The following MDN1 variants were observed in gnomAD, a reference collection of about 807,000 sequenced individuals.
The protein encoded by MDN1 is midasin AAA ATPase 1.
A neutral mutation model predicts 669.2 loss-of-function variants in MDN1; 266 were observed. That is an observed-to-expected ratio of 0.40 (90% CI 0.36 to 0.44). The LOEUF is 0.44. MDN1 is among the 20% of genes least tolerant of loss of function. The probability of loss-of-function intolerance (pLI) is 1.00; values close to 1 mark genes in which losing one functional copy is unlikely to be tolerated. For synonymous variants in MDN1, 2,385 were observed against 2,457.1 expected (o/e 0.97, Z 0.87); for missense variants, 5,940 against 6,754.0 (o/e 0.88, Z 4.22).
At chr6:89,763,784 G>A (rs983623701) in intron 15 of MDN1, among the ~76,000 whole-genome samples, 2 of 152,120 alleles carry the variant, frequency 1.3e-5, no homozygotes, top group Non-Finnish European at 2.9e-5. Context: ...AAAACCCAAT[G>A]GCCTGATACT....
At chr6:89,781,134 A>T in intron 10 of MDN1, 1 of 453,390 alleles carries the variant, frequency 2.2e-6, no homozygotes, top group Middle Eastern at 6.2e-4. Flanking sequence ...TTTAAAAGTT[A>T]TTTTTTAAAG....
intron 26 of MDN1, among the ~76,000 whole-genome samples, chr6:89,748,825 C>T (rs1816802489): frequency 6.6e-6 from 1 of 151,758 alleles, no homozygotes; most frequent in African/African-American, 2.4e-5. Context: ...TTTGGGAGAT[C>T]AAGGTGGGTG....
chr6:89,738,480 G>A (rs1379551618), intron 32 of MDN1, 25 bp from the exon 33 acceptor site: 13 of 1,611,742 alleles, frequency 8.1e-6, no homozygotes, highest in African/African-American at 2.7e-5. Flanking sequence ...AAACTTCAAT[G>A]TGAATTTTTA....
In MDN1 at chr6:89,658,861, C is replaced by T. The variant is rs371068316; in HGVS notation, c.14770G>A (p.Glu4924Lys). 11 of 1,614,226 alleles carry T rather than the reference C, an allele frequency of 6.8e-6. No individual in the cohort carries two copies. The African/African-American group carries it at 1.5e-4, about 22-fold the overall frequency. Residue 4924 changes from glutamate to lysine, a missense_variant, in exon 89 of 102, where the codon GAA (glutamate) becomes AAA (lysine). Glu to Lys is a moderately conservative substitution (Grantham distance 56). Coordinates refer to ENST00000369393, the MANE Select transcript of MDN1 (RefSeq NM_014611.3). ...TGGTCGGTCTCGGTCTCTCCTCTTT[C>T]CTCAGCTTCATGACCTGCTTCTTCT... is the stretch of plus-strand genomic sequence containing the variant. ...KPEEAGHEAE[E>K]RGETETDQNE...
intron 73 of MDN1, among the ~76,000 whole-genome samples, chr6:89,682,799 A>C (rs1312933697): frequency 2.0e-5 from 3 of 147,314 alleles, no homozygotes; most frequent in Non-Finnish European, 4.5e-5. Flanking sequence ...AAAAAAAAAA[A>C]TAGCCAGGCA....
At chr6:89,772,241 T>C (rs762662325) in intron 14 of MDN1, among the ~76,000 whole-genome samples, 10 of 152,060 alleles carry the variant, frequency 6.6e-5, no homozygotes, top group Non-Finnish European at 1.3e-4. Context: ...GGCTCGCCAC[T>C]GCACTCCAGC....
intron 50 of MDN1, 96 bp from the exon 51 acceptor site, chr6:89,708,724 G>T: frequency 7.4e-7 from 1 of 1,357,042 alleles, no homozygotes; most frequent in Non-Finnish European, 1.0e-6. Context: ...TTTACTTTGA[G>T]CACATTGAAT....
At chr6:89,740,206 A>G in intron 32 of MDN1, 28 bp downstream of exon 32, 1 of 1,608,430 alleles carries the variant, frequency 6.2e-7, no homozygotes, top group Non-Finnish European at 8.5e-7. Context: ...AAAACCTAGA[A>G]AGAAAATGTG....
chr6:89,664,368 G>A (rs1810032059), intron 85 of MDN1, 119 bp downstream of exon 85: 1 of 1,284,318 alleles, frequency 7.8e-7, no homozygotes, highest in Non-Finnish European at 1.1e-6. Flanking sequence ...TTGCACTTAA[G>A]CACAGTAACC....
At chr6:89,717,975 C>T (rs1325077289) in intron 43 of MDN1, among the ~76,000 whole-genome samples, 1 of 152,174 alleles carries the variant, frequency 6.6e-6, no homozygotes, top group Non-Finnish European at 1.5e-5. Context: ...TGATATATTT[C>T]CTCCATCTCC....
chr6:89,659,447 A>G (rs1167817230), intron 88 of MDN1, among the ~76,000 whole-genome samples: 2 of 152,262 alleles, frequency 1.3e-5, no homozygotes, highest in East Asian at 3.8e-4. Context: ...TGTACTGCCT[A>G]TGGCTGCTTT....
chr6:89,720,297 T>C (rs1198901635), intron 40 of MDN1, among the ~76,000 whole-genome samples: 1 of 151,250 alleles, frequency 6.6e-6, no homozygotes, highest in Non-Finnish European at 1.5e-5. Context: ...CAAATATTGC[T>C]ACTCGGGAGG....
At chr6:89,816,982 C>T (rs939470096) in intron 1 of MDN1, among the ~76,000 whole-genome samples, 3 of 152,100 alleles carry the variant, frequency 2.0e-5, no homozygotes, top group Non-Finnish European at 4.4e-5. Context: ...CCTCCACACC[C>T]CTATCTTAAC....
At chr6:89,646,887 T>C (rs1808522982) in intron 99 of MDN1, among the ~76,000 whole-genome samples, 2 of 152,180 alleles carry the variant, frequency 1.3e-5, no homozygotes, top group African/African-American at 4.8e-5. Flanking sequence ...CCTCGATTCC[T>C]GGGCTCTGCC....
In MDN1 at chr6:89,802,814, T is replaced by C. The variant is rs113248879; in HGVS notation, c.329+514A>G. On this transcript the variant is annotated intron_variant, in intron 2 of 101. Coordinates refer to ENST00000369393, the MANE Select transcript of MDN1 (RefSeq NM_014611.3). ...CTGACACTCAGTTTTGCTGTCTCTT[T>C]TGATTATTCCTCAAAACTATATTTT... Among the ~76,000 whole-genome samples the C allele has an allele frequency of 3.5e-3, 530 of 152,352 alleles. 2 individuals carry two copies. Among genetic ancestry groups the C allele is most frequent in the African/African-American group, 0.012 (497 of 41,582 alleles).
At chr6:89,736,868 G>A (rs2128316210) in intron 33 of MDN1, among the ~76,000 whole-genome samples, 1 of 152,308 alleles carries the variant, frequency 6.6e-6, no homozygotes, top group South Asian at 2.1e-4. Flanking sequence ...GCTGCAAACA[G>A]CACACAAGAG....
At chr6:89,775,917 G>A (rs1040961556) in intron 12 of MDN1, among the ~76,000 whole-genome samples, 2 of 152,054 alleles carry the variant, frequency 1.3e-5, no homozygotes, top group African/African-American at 4.8e-5. Context: ...TTAAACTCCC[G>A]ACCTCAGGTG....
In MDN1 at chr6:89,684,802, G is replaced by A. The variant is rs1471073133; in HGVS notation, c.11829+74C>T. On this transcript the variant is annotated intron_variant, in intron 71 of 101. Transcript: ENST00000369393. ...TAGGTCCCTGCCTCAGTGTTAAATG[G>A]ATAACAGGGTTAACGAAAGAGAATT... 5 of 933,622 alleles carry A rather than the reference G, an allele frequency of 5.4e-6. No individual in the cohort carries two copies. The South Asian group carries it at 7.5e-5, about 14-fold the overall frequency. The allele number at this position is 933,622 out of a possible 1,614,324, so 57.8% of individuals were successfully genotyped here.
chr6:89,796,321 T>G (rs1168107695), intron 2 of MDN1, among the ~76,000 whole-genome samples: 2 of 24,624 alleles, frequency 8.1e-5, no homozygotes, highest in Admixed American at 8.9e-4. Context: ...CAAAACTCTG[T>G]CTCAAAAAAA....
Sources: gnomAD v4.1 joint callset for allele counts (sites outside exome capture counted in the v4.1 genomes callset) on GRCh38, gnomAD v4.1.1 for gene constraint, MANE v1.5 for transcripts, NCBI Gene and HGNC (gene_info 2026-07-23, HGNC 2026-07-21) for gene names.